KLHL29: variants seen among roughly 807,000 people sequenced by gnomAD.
The protein encoded by KLHL29 is kelch like family member 29.
In KLHL29, 21 loss-of-function variants were observed where a neutral mutation model predicts 80.4. The ratio of observed to expected loss-of-function variants is 0.26; its 90% CI spans 0.19 to 0.38. The LOEUF (loss-of-function observed/expected upper bound fraction) is 0.38, where lower values mean the gene tolerates loss of function less well. KLHL29 is among the 10% of genes least tolerant of loss of function. The pLI, the probability that KLHL29 is intolerant of heterozygous loss-of-function variation, is 1.00. For synonymous variants in KLHL29, 511 were observed against 526.8 expected, an observed-to-expected ratio of 0.97 and a Z score of 0.41; for missense variants, 867 against 1,223.9, an observed-to-expected ratio of 0.71 and a Z score of 4.35.
Position 23,415,705 on chromosome 2 carries a change from A to AT in KLHL29, c.-154+29936dup, listed in dbSNP as rs1251317749. Among the ~76,000 whole-genome samples, 1,246 of 145,774 alleles carry AT rather than the reference A, an allele frequency of 8.5e-3. 16 individuals carry two copies. The highest frequency in any genetic ancestry group is 0.027 in the African/African-American group (1,094 of 39,908). ...CCTTAGATCTAAAGGTAGTCTTTTT[A>AT]TTTTTTTTTTTGACATAGACTCTCA... On this transcript the variant is annotated intron_variant, in intron 1 of 13. Coordinates refer to ENST00000486442, the MANE Select transcript of KLHL29 (RefSeq NM_052920.2).
Position 23,696,457 on chromosome 2 carries a change from G to A in KLHL29, c.2049G>A (p.Gly683=), listed in dbSNP as rs773306855. 4 of 1,550,370 alleles carry A rather than the reference G, an allele frequency of 2.6e-6. No individual in the cohort carries two copies. The South Asian group carries it at 4.8e-5, about 18-fold the overall frequency. The change falls in exon 11 of 14, where the codon GGG becomes GGA. Residue 683 remains glycine, a synonymous_variant. Transcript: ENST00000486442. This position sits in a 1 kb window ranked among gnomAD's most constrained non-coding sequence, Gnocchi z 5.5. The stretch of plus-strand genomic sequence containing the variant: ...GGCACAATAGCCTCGTCTACGATGG[G>A]AAGATTTACACCCTCGGGGGACTTG... The part of the protein sequence containing the change: ...RCRHNSLVYD[G]KIYTLGGLGV...
chr2:23,558,586 T>A (rs1667359419), intron 2 of KLHL29, among the ~76,000 whole-genome samples: 1 of 152,094 alleles, frequency 6.6e-6, no homozygotes, highest in African/African-American at 2.4e-5. Context: ...ATTTTTTTGG[T>A]AGAAATGGGG....
In KLHL29 at chr2:23,654,696, T is replaced by A. The variant is rs11674410; in HGVS notation, c.940+11846T>A. ...TTCTCTTCCAGAAGGGAACAGAGGT[T>A]GGGGGGGGGGGGTGGATGTTTTGTA... On this transcript the variant is annotated intron_variant, in intron 5 of 13. Transcript: ENST00000486442. 1.7e-4 allele frequency among the ~76,000 whole-genome samples: 11 copies of A among 65,692 alleles called. 2 individuals are homozygous for A. The highest frequency in any genetic ancestry group is 1.5e-4 in the Non-Finnish European group (4 of 27,292). 43.1% of individuals were successfully genotyped at this position (65,692 alleles called of 152,430 possible).
chr2:23,573,527 T>C (rs1667767799), intron 3 of KLHL29, among the ~76,000 whole-genome samples: 2 of 152,196 alleles, frequency 1.3e-5, no homozygotes, highest in African/African-American at 4.8e-5. Context: ...AGCAGCTGGC[T>C]GCGTACAGGT....
intron 2 of KLHL29, among the ~76,000 whole-genome samples, chr2:23,493,488 T>C (rs1290583412): frequency 6.6e-6 from 1 of 152,238 alleles, no homozygotes; most frequent in African/African-American, 2.4e-5. Context: ...CATTGTACGA[T>C]CTTGTTTTCT....
chr2:23,612,924 CT>C (rs1310028101), intron 3 of KLHL29, among the ~76,000 whole-genome samples: 2 of 152,034 alleles, frequency 1.3e-5, no homozygotes, highest in Non-Finnish European at 2.9e-5. Flanking sequence ...TAAAAAATCT[CT>C]TATGAAACAA....
Position 23,671,036 on chromosome 2 carries a change from C to T in KLHL29, c.941-13363C>T, listed in dbSNP as rs975781666. Among the ~76,000 whole-genome samples, 5 of 65,838 alleles carry T rather than the reference C, an allele frequency of 7.6e-5. 1 individual carries two copies. The highest frequency in any genetic ancestry group is 1.9e-4 in the Non-Finnish European group (5 of 25,702). The allele number at this position is 65,838 out of a possible 152,430, so 43.2% of individuals were successfully genotyped here. On this transcript the variant is annotated intron_variant, in intron 5 of 13. Transcript: ENST00000486442. Reference sequence around the variant, plus strand: ...CCTCCTCCCTTCCCTCCTAACCTCACATCCTCCCAGCTGTGACTCCTCCCT... The same window carrying T: ...CCTCCTCCCTTCCCTCCTAACCTCATATCCTCCCAGCTGTGACTCCTCCCT...
chr2:23,598,510 G>A (rs1053273322), intron 3 of KLHL29, among the ~76,000 whole-genome samples: 5 of 152,220 alleles, frequency 3.3e-5, no homozygotes, highest in Non-Finnish European at 5.9e-5. Flanking sequence ...CACGTTCCCT[G>A]GTGCACAGTG....
chr2:23,564,219 C>G (rs761522073), intron 3 of KLHL29, among the ~76,000 whole-genome samples: 1 of 152,138 alleles, frequency 6.6e-6, no homozygotes, highest in Non-Finnish European at 1.5e-5. Context: ...GGGGCTCCCC[C>G]ACAGGGCTGT....
At chr2:23,611,801 A>G (rs1260004020) in intron 3 of KLHL29, among the ~76,000 whole-genome samples, 2 of 152,088 alleles carry the variant, frequency 1.3e-5, no homozygotes, top group African/African-American at 4.8e-5. Context: ...ACCAGAAACT[A>G]TATATCTTTT....
At chr2:23,604,252 C>T (rs1451714265) in intron 3 of KLHL29, among the ~76,000 whole-genome samples, 3 of 138,982 alleles carry the variant, frequency 2.2e-5, no homozygotes, top group South Asian at 4.9e-4. Flanking sequence ...TACAGGCGCC[C>T]GCCACCACGC....
At chr2:23,597,401 ATATATATTTTTTTTTTTTTTTTTTTT>A (rs1558402849) in intron 3 of KLHL29, among the ~76,000 whole-genome samples, 1,287 of 55,290 alleles carry the variant, frequency 0.023, 35 homozygotes, top group Middle Eastern at 0.057. Context: ...ATATATATAT[ATATATATTTTTTTTTTTTTTTTTTTT>A]TTTTTTTTTT....
chr2:23,422,763 G>C (rs1016357144), intron 1 of KLHL29, among the ~76,000 whole-genome samples: 1 of 150,730 alleles, frequency 6.6e-6, no homozygotes, highest in African/African-American at 2.4e-5. Flanking sequence ...CTGTGTCTCT[G>C]TGTGTTGTGT....
At chr2:23,549,081 T>G (rs1044157207) in intron 2 of KLHL29, among the ~76,000 whole-genome samples, 2 of 152,128 alleles carry the variant, frequency 1.3e-5, no homozygotes, top group African/African-American at 4.8e-5. Context: ...GAGCACTGCA[T>G]TCATCAGCGT....
chr2:23,704,524 T>C (rs1009542919), intron 13 of KLHL29, among the ~76,000 whole-genome samples: 1 of 152,200 alleles, frequency 6.6e-6, no homozygotes. Flanking sequence ...CCCAGCACTT[T>C]GGGAGGCCGA....
chr2:23,492,552 T>C (rs1665135057), intron 2 of KLHL29, among the ~76,000 whole-genome samples: 1 of 152,220 alleles, frequency 6.6e-6, no homozygotes, highest in Admixed American at 6.5e-5. Flanking sequence ...GGGCCGTGAC[T>C]TTAAGAAATT....
At chr2:23,649,956 G>A (rs955949954) in intron 5 of KLHL29, among the ~76,000 whole-genome samples, 2 of 152,214 alleles carry the variant, frequency 1.3e-5, no homozygotes, top group Non-Finnish European at 2.9e-5. Flanking sequence ...CCTCCCTGCT[G>A]CACCACCAAG....
chr2:23,605,566 G>T (rs1429096635), intron 3 of KLHL29, among the ~76,000 whole-genome samples: 4 of 152,124 alleles, frequency 2.6e-5, no homozygotes, highest in Non-Finnish European at 2.9e-5. Flanking sequence ...CTCAGTTTTT[G>T]TTGAGCTACA....
At chr2:23,537,889 G>A (rs1666720486) in intron 2 of KLHL29, among the ~76,000 whole-genome samples, 1 of 152,170 alleles carries the variant, frequency 6.6e-6, no homozygotes, top group Admixed American at 6.5e-5. Context: ...AAGGGTGGCA[G>A]GATTCATGCC....
Sources: allele counts gnomAD v4.1 joint callset (sites outside exome capture counted in the v4.1 genomes callset), GRCh38; gene constraint gnomAD v4.1.1; non-coding constraint Gnocchi (gnomAD v3.1); transcripts MANE v1.5; gene names NCBI Gene and HGNC (gene_info 2026-07-23, HGNC 2026-07-21).